RAD51B: variants seen among roughly 807,000 people sequenced by gnomAD.
RAD51B encodes the protein RAD51 paralog B.
RAD51B carries 38 observed loss-of-function variants against 42.2 expected under a neutral mutation model. That is an observed-to-expected ratio of 0.90 (90% CI 0.70 to 1.18). The LOEUF (loss-of-function observed/expected upper bound fraction) is 1.18. Ranked by LOEUF, RAD51B falls within the 50% of genes most tolerant of loss-of-function variation. The pLI is 0.00. For missense variants in RAD51B, 373 were observed against 400.7 expected (o/e 0.93, Z 0.59); for synonymous variants, 154 against 145.2 (o/e 1.06, Z -0.43).
intron 11 of RAD51B, among the ~76,000 whole-genome samples, chr14:68,660,075 G>A (rs983443903): frequency 6.6e-6 from 1 of 152,196 alleles, no homozygotes; most frequent in Non-Finnish European, 1.5e-5. Context: ...ATGCCAATGG[G>A]GGCTGGCAGT....
chr14:68,082,124 C>A (rs1448543967), intron 7 of RAD51B, among the ~76,000 whole-genome samples: 2 of 151,970 alleles, frequency 1.3e-5, no homozygotes, highest in Non-Finnish European at 2.9e-5. Flanking sequence ...CCATACCTGG[C>A]TAATTCTTTG....
At chr14:67,992,489 C>T (rs959361459) in intron 7 of RAD51B, among the ~76,000 whole-genome samples, 2 of 152,134 alleles carry the variant, frequency 1.3e-5, no homozygotes, top group Non-Finnish European at 2.9e-5. Context: ...ATTTATTCAT[C>T]AGAAAGGGGG....
intron 8 of RAD51B, among the ~76,000 whole-genome samples, chr14:68,394,178 A>C (rs542460759): frequency 5.1e-4 from 78 of 152,226 alleles, no homozygotes; most frequent in Admixed American, 1.9e-3. Flanking sequence ...CAGTGATTGC[A>C]TCTTTGTCCC....
At chr14:68,576,628 C>G (rs1889974441) in intron 10 of RAD51B, among the ~76,000 whole-genome samples, 1 of 152,162 alleles carries the variant, frequency 6.6e-6, no homozygotes, top group African/African-American at 2.4e-5. Flanking sequence ...GGACCCAGGC[C>G]TTGGTACTTT....
At chr14:67,966,421 C>A (rs1028643050) in intron 7 of RAD51B, among the ~76,000 whole-genome samples, 3 of 152,166 alleles carry the variant, frequency 2.0e-5, no homozygotes, top group Non-Finnish European at 4.4e-5. Flanking sequence ...TCCTTTTTAT[C>A]CACATATGAT....
chr14:68,369,886 G>A (rs2083218175), intron 8 of RAD51B, among the ~76,000 whole-genome samples: 1 of 152,020 alleles, frequency 6.6e-6, no homozygotes, highest in Non-Finnish European at 1.5e-5. Flanking sequence ...ATTTTGTGCT[G>A]CAAAAACAAA....
chr14:68,082,912 T>C lies in RAD51B; in HGVS notation c.756+195708T>C, dbSNP rs1566630466. Among the ~76,000 whole-genome samples, 4 of 152,312 alleles carry C rather than the reference T, an allele frequency of 2.6e-5. 1 individual carries two copies. The highest frequency in any genetic ancestry group is 2.0e-4 in the Admixed American group (3 of 15,296). Reference sequence around the variant, plus strand: ...TTGCATATAGACATCTGGGTACATATGCACACTGCTGAACTGTCTAATAAT... The same window carrying C: ...TTGCATATAGACATCTGGGTACATACGCACACTGCTGAACTGTCTAATAAT... On this transcript the variant is annotated intron_variant, in intron 7 of 10. Transcript: ENST00000471583.
At chr14:67,917,063 G>A (rs1259311189) in intron 7 of RAD51B, among the ~76,000 whole-genome samples, 1 of 152,196 alleles carries the variant, frequency 6.6e-6, no homozygotes, top group African/African-American at 2.4e-5. Context: ...AGACTTGAAT[G>A]CAGTTTTAAA....
intron 9 of RAD51B, among the ~76,000 whole-genome samples, chr14:68,459,607 A>C (rs1210211901): frequency 6.6e-6 from 1 of 152,210 alleles, no homozygotes; most frequent in Non-Finnish European, 1.5e-5. Flanking sequence ...TGAATTTATC[A>C]ACGACCACGT....
intron 7 of RAD51B, among the ~76,000 whole-genome samples, chr14:68,177,177 A>T (rs2078978285): frequency 1.3e-5 from 2 of 152,224 alleles, no homozygotes; most frequent in African/African-American, 4.8e-5. Flanking sequence ...GGCAAACAGC[A>T]CATAATTCTG....
At chr14:67,957,503 A>G (rs1449844304) in intron 7 of RAD51B, among the ~76,000 whole-genome samples, 1 of 152,236 alleles carries the variant, frequency 6.6e-6, no homozygotes, top group Non-Finnish European at 1.5e-5. Context: ...GGAAGGCAAG[A>G]GAAAGTGAAA....
intron 5 of RAD51B, among the ~76,000 whole-genome samples, chr14:67,880,623 T>A (rs1414018973): frequency 6.6e-6 from 1 of 152,206 alleles, no homozygotes; most frequent in Non-Finnish European, 1.5e-5. Context: ...GTTTTGAGGT[T>A]TTTATCCATG....
At position 68,610,871 on chromosome 14, in the gene RAD51B, G is replaced by GTGTGTGTT. The variant is rs1555431630; in HGVS notation, c.1037-128_1037-127insTTGTGTGT. 139 of 629,038 alleles carry GTGTGTGTT rather than the reference G, an allele frequency of 2.2e-4. 1 individual carries two copies. Among genetic ancestry groups the GTGTGTGTT allele is most frequent in the East Asian group, 2.0e-3 (72 of 36,588 alleles). 39.0% of individuals were successfully genotyped at this position (629,038 alleles called of 1,614,324 possible). A position where few individuals can be genotyped will look rare whatever the true frequency, so the allele number is the denominator to read the frequency against. ...TGTGTGTGTGTGTGTGTGTGTGTGT[G>GTGTGTGTT]TGTGTGTGTGTGTGTCATCTCCCTA... On this transcript the variant is annotated intron_variant, in intron 10 of 10. Transcript: ENST00000487861.
At chr14:68,410,455 A>T (rs980541160) in intron 8 of RAD51B, among the ~76,000 whole-genome samples, 1 of 152,208 alleles carries the variant, frequency 6.6e-6, no homozygotes, top group Non-Finnish European at 1.5e-5. Flanking sequence ...TAGAAAAAAG[A>T]TCGCATCTGG....
At chr14:67,828,504 T>C (rs745648855) in intron 3 of RAD51B, among the ~76,000 whole-genome samples, 1 of 152,204 alleles carries the variant, frequency 6.6e-6, no homozygotes, top group Non-Finnish European at 1.5e-5. Context: ...CTTGTCAATT[T>C]TGCTTTTGTT....
At chr14:68,356,277 A>C (rs2082896846) in intron 8 of RAD51B, among the ~76,000 whole-genome samples, 1 of 152,088 alleles carries the variant, frequency 6.6e-6, no homozygotes, top group South Asian at 2.1e-4. Flanking sequence ...CTAAATAAAT[A>C]CAAAAAAATT....
chr14:68,657,495 G>A (rs1344756793), intron 11 of RAD51B, among the ~76,000 whole-genome samples: 1 of 152,228 alleles, frequency 6.6e-6, no homozygotes, highest in African/African-American at 2.4e-5. Context: ...ATCATTAAAT[G>A]TAGAGCTGAA....
At chr14:68,264,004 G>A (rs377346465) in intron 7 of RAD51B, among the ~76,000 whole-genome samples, 244 of 152,308 alleles carry the variant, frequency 1.6e-3, no homozygotes, top group African/African-American at 5.7e-3. Context: ...GAACGGCCAA[G>A]GCCCCCAAAA....
intron 2 of RAD51B, among the ~76,000 whole-genome samples, chr14:67,824,765 A>C (rs908161103): frequency 3.9e-5 from 6 of 151,994 alleles, no homozygotes; most frequent in Non-Finnish European, 5.9e-5. Context: ...ATTATCTCTG[A>C]GTGAACTTCT....
Sources: allele counts gnomAD v4.1 joint callset (sites outside exome capture counted in the v4.1 genomes callset), GRCh38; gene constraint gnomAD v4.1.1; transcripts MANE v1.5; gene names NCBI Gene and HGNC (gene_info 2026-07-23, HGNC 2026-07-21).